SLCO3A1: variants seen among roughly 807,000 people sequenced by gnomAD.
SLCO3A1 encodes the protein PGE1 transporter.
SLCO3A1 carries 27 observed loss-of-function variants against 63.1 expected under a neutral mutation model. That is an observed-to-expected ratio of 0.43 (90% CI 0.32 to 0.59). SLCO3A1 has a LOEUF of 0.59. Ranked by LOEUF, SLCO3A1 falls within the 20% of genes least tolerant of loss-of-function variation. The pLI, the probability that SLCO3A1 is intolerant of heterozygous loss-of-function variation, is 0.09. For missense variants in SLCO3A1, 773 were observed against 945.8 expected (o/e 0.82, Z 2.40); for synonymous variants, 473 against 409.9 (o/e 1.15, Z -1.86).
intron 2 of SLCO3A1, among the ~76,000 whole-genome samples, chr15:91,984,978 G>A (rs2046033736): frequency 6.6e-6 from 1 of 151,672 alleles, no homozygotes; most frequent in African/African-American, 2.4e-5. Flanking sequence ...ATCATACATA[G>A]AGAGAAGCAC....
intron 2 of SLCO3A1, among the ~76,000 whole-genome samples, chr15:92,016,266 A>ATATAGATAGAT (rs1555424466): frequency 7.4e-6 from 1 of 134,912 alleles, no homozygotes; most frequent in Admixed American, 7.8e-5. Context: ...AGATAGATAG[A>ATATAGATAGAT]TAGATAGATA....
chr15:91,877,891 C>G (rs1897441025), intron 1 of SLCO3A1, among the ~76,000 whole-genome samples: 1 of 151,978 alleles, frequency 6.6e-6, no homozygotes, highest in Admixed American at 6.5e-5. Context: ...TTGGATGGAG[C>G]CACCCTTCCA....
At chr15:92,119,324 A>T (rs1203655538) in intron 4 of SLCO3A1, among the ~76,000 whole-genome samples, 2 of 152,344 alleles carry the variant, frequency 1.3e-5, no homozygotes, top group East Asian at 3.9e-4. Flanking sequence ...CTTTAAGAAA[A>T]ATAGAGTAAA....
intron 2 of SLCO3A1, among the ~76,000 whole-genome samples, chr15:91,940,188 A>C (rs915468732): frequency 1.3e-5 from 2 of 152,114 alleles, no homozygotes; most frequent in African/African-American, 4.8e-5. Flanking sequence ...CATTGGAGCC[A>C]TTCAGATCTC....
chr15:91,967,430 A>G lies in SLCO3A1; in HGVS notation c.646+50972A>G, dbSNP rs906872611. Among the ~76,000 whole-genome samples, 2 of 152,208 alleles carry G rather than the reference A, an allele frequency of 1.3e-5. No homozygotes were observed. The highest frequency in any genetic ancestry group is 4.8e-5 in the African/African-American group (2 of 41,448). On this transcript the variant is annotated intron_variant, in intron 2 of 9. Transcript: ENST00000318445. This position sits in a 1 kb window ranked among gnomAD's most constrained non-coding sequence, Gnocchi z 4.4. ...GCTTTATATGGTGATCTGTGGTAGA[A>G]TGTCCCTCCTCTGGTTATGCTTTTC...
intron 2 of SLCO3A1, among the ~76,000 whole-genome samples, chr15:92,032,529 A>G (rs2046665292): frequency 6.6e-6 from 1 of 152,120 alleles, no homozygotes; most frequent in Non-Finnish European, 1.5e-5. Context: ...TGAAGCTGGA[A>G]GGGAGGGATT....
At chr15:92,099,936 G>T (rs2047584414) in intron 3 of SLCO3A1, among the ~76,000 whole-genome samples, 1 of 151,958 alleles carries the variant, frequency 6.6e-6, no homozygotes. Context: ...CGTGTTGGTA[G>T]GCACCTGTAA....
intron 2 of SLCO3A1, among the ~76,000 whole-genome samples, chr15:91,923,229 C>T (rs72751967): frequency 0.065 from 9,914 of 152,268 alleles, 476 homozygotes; most frequent in Non-Finnish European, 0.1. Context: ...CCTTTTCATC[C>T]TTATGGTCAT....
chr15:91,856,953 A>G lies in SLCO3A1; in HGVS notation c.180+2865A>G, dbSNP rs1451429529. Among the ~76,000 whole-genome samples, 1 of 151,946 alleles carries G rather than the reference A, an allele frequency of 6.6e-6. No homozygotes were observed. The highest frequency in any genetic ancestry group is 1.9e-4 in the East Asian group (1 of 5,188). The stretch of plus-strand genomic sequence containing the variant: ...ATTTCTCAGTGTCCTGAATGACACT[A>G]GTGTAGGCTTCCCAACTGCAGAACT... On this transcript the variant is annotated intron_variant, in intron 1 of 9. Transcript: ENST00000318445. The surrounding 1 kb of genome is among the most constrained non-coding windows in gnomAD (Gnocchi z 4.9).
intron 5 of SLCO3A1, 96 bp from the exon 6 acceptor site, chr15:92,125,965 C>A: frequency 1.0e-6 from 1 of 996,628 alleles, no homozygotes; most frequent in Non-Finnish European, 1.5e-6. Flanking sequence ...GGTCATAGGG[C>A]ATTCACGGGA....
At chr15:92,140,543 C>T (rs1029605019) in intron 7 of SLCO3A1, among the ~76,000 whole-genome samples, 1 of 152,096 alleles carries the variant, frequency 6.6e-6, no homozygotes, top group Admixed American at 6.5e-5. Context: ...TGTTGACTTT[C>T]TGTCTCGTTG....
chr15:91,970,132 G>A (rs1900805729), intron 2 of SLCO3A1, among the ~76,000 whole-genome samples: 1 of 152,294 alleles, frequency 6.6e-6, no homozygotes, highest in Middle Eastern at 3.4e-3. Context: ...CTAAAAAGAG[G>A]CATTGAAATA....
chr15:92,084,430 A>C lies in SLCO3A1; in HGVS notation c.647-10451A>C, dbSNP rs1001150150. Among the ~76,000 whole-genome samples, 8 of 152,298 alleles carry C rather than the reference A, an allele frequency of 5.3e-5. No homozygotes were observed. In the South Asian group the frequency reaches 1.5e-3, roughly 28 times the overall value. ...AGGGATTGTTGTCATCCCATTTTAC[A>C]GAGGAGGAAACTGAGGCCGAGGGAG... On this transcript the variant is annotated intron_variant, in intron 2 of 9. Coordinates refer to ENST00000318445, the MANE Select transcript of SLCO3A1 (RefSeq NM_013272.4).
chr15:92,163,094 G>C lies in SLCO3A1; in HGVS notation c.2092G>C (p.Glu698Gln), dbSNP rs947214821. Residue 698 changes from glutamate to glutamine, a missense_variant, in exon 10 of 10, where the codon GAA becomes CAA. Glu to Gln is a conservative substitution (Grantham distance 29). Coordinates refer to ENST00000318445, the MANE Select transcript of SLCO3A1 (RefSeq NM_013272.4). ...THRTKFIYNL[E>Q]DHEWCENMES... ...TAGGACAAAGTTTATCTATAACCTG[G>C]AAGACCATGAGTGGTGTGAAAACAT... The C allele has an allele frequency of 6.5e-7, 1 of 1,540,018 alleles. No individual in the cohort carries two copies. The highest frequency in any genetic ancestry group is 1.4e-5 in the African/African-American group (1 of 72,432).
intron 2 of SLCO3A1, among the ~76,000 whole-genome samples, chr15:91,926,608 C>CGA: frequency 1.2e-5 from 1 of 84,404 alleles, no homozygotes; most frequent in South Asian, 3.9e-4. Flanking sequence ...CGCGCGCGCA[C>CGA]GCCCATGCTT....
intron 2 of SLCO3A1, among the ~76,000 whole-genome samples, chr15:91,947,851 C>T (rs1223047788): frequency 6.6e-6 from 1 of 152,156 alleles, no homozygotes; most frequent in Non-Finnish European, 1.5e-5. Context: ...CTGGGTCGGT[C>T]TGTACACTGC....
At chr15:91,940,003 G>A (rs550795565) in intron 2 of SLCO3A1, among the ~76,000 whole-genome samples, 2 of 152,278 alleles carry the variant, frequency 1.3e-5, no homozygotes, top group African/African-American at 4.8e-5. Context: ...TGGAGCCTAT[G>A]TACCCAGCCC....
rs7179217 is a variant in SLCO3A1, at chr15:91,868,132, A to G, written c.180+14044A>G. ...ATTGGTGGGATCTCGGCTCGCTGCA[A>G]CCTCTGCCTCCTGGGTTCAAGTAGT... On this transcript the variant is annotated intron_variant, in intron 1 of 9. Transcript: ENST00000318445. 7.7e-3 allele frequency among the ~76,000 whole-genome samples: 1,162 copies of G among 151,130 alleles called. 23 individuals carry two copies. The highest frequency in any genetic ancestry group is 0.027 in the African/African-American group (1,090 of 41,096).
intron 2 of SLCO3A1, among the ~76,000 whole-genome samples, chr15:92,077,196 T>G (rs2047288074): frequency 6.6e-6 from 1 of 152,074 alleles, no homozygotes; most frequent in African/African-American, 2.4e-5. Context: ...CCACGACCCG[T>G]GGGAATTATG....
Sources: allele counts gnomAD v4.1 joint callset (sites outside exome capture counted in the v4.1 genomes callset), GRCh38; gene constraint gnomAD v4.1.1; non-coding constraint Gnocchi (gnomAD v3.1); transcripts MANE v1.5; gene names NCBI Gene and HGNC (gene_info 2026-07-23, HGNC 2026-07-21).